The following PLPPR4 variants were observed in gnomAD, a reference collection of about 807,000 sequenced individuals.
PLPPR4 encodes phospholipid phosphatase-related protein type 4.
Under a neutral mutation model 56.6 loss-of-function variants are expected in PLPPR4, and 24 were observed. That is an observed-to-expected ratio of 0.42 (90% CI 0.31 to 0.60). PLPPR4 has a LOEUF of 0.60. Among genes scored for constraint, PLPPR4 ranks in the 20% least tolerant of loss-of-function variants. The probability of loss-of-function intolerance (pLI) is 0.13; values close to 1 mark genes in which losing one functional copy is unlikely to be tolerated. For missense variants in PLPPR4, 654 were observed against 885.8 expected, an observed-to-expected ratio of 0.74 and a Z score of 3.32; for synonymous variants, 326 against 328.1, an observed-to-expected ratio of 0.99 and a Z score of 0.07.
intron 1 of PLPPR4, among the ~76,000 whole-genome samples, chr1:99,266,250 T>C (rs1198384103): frequency 1.3e-5 from 2 of 152,222 alleles, no homozygotes; most frequent in African/African-American, 4.8e-5. Flanking sequence ...TCTGAATCAA[T>C]GACATTTGTC....
chr1:99,264,294 A>C, upstream of PLPPR4: 1 of 625,468 alleles, frequency 1.6e-6, no homozygotes, highest in Non-Finnish European at 2.7e-6. Flanking sequence ...AGGGAGGGGA[A>C]GCCATTGCAG....
At chr1:99,270,018 T>TGTGC (rs1419856597) in intron 1 of PLPPR4, among the ~76,000 whole-genome samples, 3 of 151,022 alleles carry the variant, frequency 2.0e-5, no homozygotes, top group African/African-American at 7.3e-5. Context: ...TGTGTGTGTG[T>TGTGC]GTGTGTGTGT....
chr1:99,290,049 T>A (rs1413551229), intron 2 of PLPPR4, among the ~76,000 whole-genome samples: 1 of 152,172 alleles, frequency 6.6e-6, no homozygotes, highest in Non-Finnish European at 1.5e-5. Flanking sequence ...AACCCCATTG[T>A]CTCAGTCCAA....
chr1:99,280,741 T>G (rs1239844005), intron 1 of PLPPR4, among the ~76,000 whole-genome samples: 3 of 152,136 alleles, frequency 2.0e-5, no homozygotes, highest in Non-Finnish European at 2.9e-5. Context: ...TTATGAGAAA[T>G]AAATGTGGAA....
chr1:99,287,759 G>C (rs920987597), intron 1 of PLPPR4, among the ~76,000 whole-genome samples: 2 of 152,102 alleles, frequency 1.3e-5, no homozygotes, highest in Non-Finnish European at 2.9e-5. Context: ...TTAGAAGGTT[G>C]GGGTCAACAT....
At chr1:99,283,303 A>T (rs1659377390) in intron 1 of PLPPR4, among the ~76,000 whole-genome samples, 1 of 152,208 alleles carries the variant, frequency 6.6e-6, no homozygotes, top group Non-Finnish European at 1.5e-5. Flanking sequence ...GGCTCAGAGC[A>T]AAGTGAACTC....
At chr1:99,301,978 C>T in intron 6 of PLPPR4, 81 bp downstream of exon 6, 2 of 906,524 alleles carry the variant, frequency 2.2e-6, no homozygotes, top group Non-Finnish European at 3.2e-6. Flanking sequence ...TAATAGCTTC[C>T]TTGCGATATA....
At chr1:99,268,367 G>C (rs891170230) in intron 1 of PLPPR4, among the ~76,000 whole-genome samples, 60 of 152,356 alleles carry the variant, frequency 3.9e-4, no homozygotes, top group African/African-American at 1.4e-3. Flanking sequence ...TAGATGCAAG[G>C]AAGGAGTAAA....
chr1:99,305,667 C>T lies in PLPPR4; in HGVS notation c.823-18C>T. On this transcript the variant is annotated intron_variant, in intron 6 of 6. Transcript: ENST00000370185. ...GTCTTCTAGTGCATGATATTTATTG[C>T]TTTCTCTCAAACACTAGGGCTTGTA... The T allele has an allele frequency of 6.3e-7, 1 of 1,597,454 alleles. No homozygotes were observed. Among genetic ancestry groups the T allele is most frequent in the Non-Finnish European group, 8.5e-7 (1 of 1,172,726 alleles).
intron 5 of PLPPR4, among the ~76,000 whole-genome samples, chr1:99,301,213 A>G (rs757127575): frequency 2.6e-5 from 4 of 152,054 alleles, no homozygotes; most frequent in East Asian, 1.9e-4. Flanking sequence ...CTTTAATATT[A>G]TACTTCATAG....
upstream of PLPPR4, chr1:99,264,466 C>G: frequency 6.6e-7 from 1 of 1,517,972 alleles, no homozygotes; most frequent in Non-Finnish European, 8.8e-7. Flanking sequence ...CGCGCTGGCT[C>G]CAGCGGTGGC....
chr1:99,269,750 T>C (rs1298117247), intron 1 of PLPPR4, among the ~76,000 whole-genome samples: 2 of 152,216 alleles, frequency 1.3e-5, no homozygotes, highest in African/African-American at 4.8e-5. Context: ...TTGACCTATA[T>C]GCAAATATAT....
At chr1:99,293,038 G>C (rs765013723) in intron 2 of PLPPR4, among the ~76,000 whole-genome samples, 24 of 152,270 alleles carry the variant, frequency 1.6e-4, no homozygotes, top group Non-Finnish European at 3.5e-4. Flanking sequence ...GGTCATGAGA[G>C]GGGGTAGGGA....
chr1:99,277,676 G>A (rs946398384), intron 1 of PLPPR4, among the ~76,000 whole-genome samples: 1 of 151,336 alleles, frequency 6.6e-6, no homozygotes, highest in Admixed American at 6.6e-5. Context: ...GCATGTTCTT[G>A]CTTCAATTTT....
At chr1:99,302,017 G>A (rs1205238811) in intron 6 of PLPPR4, 120 bp downstream of exon 6, 10 of 595,898 alleles carry the variant, frequency 1.7e-5, no homozygotes, top group Admixed American at 3.5e-5. Flanking sequence ...ATCTCTGGCC[G>A]CATCTCCATT....
At chr1:99,297,016 A>C in intron 3 of PLPPR4, 149 bp downstream of exon 3, 2 of 862,878 alleles carry the variant, frequency 2.3e-6, no homozygotes, top group Non-Finnish European at 3.1e-6. Flanking sequence ...GAAACTGTTA[A>C]AACACCAAAA....
In PLPPR4 at chr1:99,266,139, A is replaced by G. The variant is rs578011485; in HGVS notation, c.78+1468A>G. Among the ~76,000 whole-genome samples the G allele has an allele frequency of 1.2e-4, 18 of 152,360 alleles. 1 individual carries two copies. The South Asian group carries it at 3.5e-3, about 30-fold the overall frequency. On this transcript the variant is annotated intron_variant, in intron 1 of 6. Coordinates refer to ENST00000370185, the MANE Select transcript of PLPPR4 (RefSeq NM_014839.5). Reference sequence around the variant, plus strand: ...GAAGATTCCATGATGAAAATGGTGAAGGAATAGAAAGATGAGATACCTGCC... The same window carrying G: ...GAAGATTCCATGATGAAAATGGTGAGGGAATAGAAAGATGAGATACCTGCC...
intron 1 of PLPPR4, among the ~76,000 whole-genome samples, chr1:99,279,578 T>TG (rs1659273587): frequency 6.6e-6 from 1 of 152,172 alleles, no homozygotes. Flanking sequence ...TGAAACCCCT[T>TG]GACACATGGC....
At chr1:99,283,330 G>GT (rs1161072443) in intron 1 of PLPPR4, among the ~76,000 whole-genome samples, 1 of 152,110 alleles carries the variant, frequency 6.6e-6, no homozygotes, top group African/African-American at 2.4e-5. Context: ...GTGAAAAGTA[G>GT]TTTGTCTTTA....
Sources: gnomAD v4.1 joint callset for allele counts (sites outside exome capture counted in the v4.1 genomes callset) on GRCh38, gnomAD v4.1.1 for gene constraint, MANE v1.5 for transcripts, NCBI Gene and HGNC (gene_info 2026-07-23, HGNC 2026-07-21) for gene names.